ZNF407: variants seen among roughly 807,000 people sequenced by gnomAD.
ZNF407 encodes the protein zinc finger protein 407.
ZNF407 carries 17 observed loss-of-function variants against 131.2 expected under a neutral mutation model. The ratio of observed to expected loss-of-function variants is 0.13; its 90% CI spans 0.09 to 0.19. The LOEUF (loss-of-function observed/expected upper bound fraction) is 0.19, where lower values mean the gene tolerates loss of function less well. Ranked by LOEUF, ZNF407 falls within the 10% of genes least tolerant of loss-of-function variation. ZNF407 has a pLI of 1.00. For synonymous variants in ZNF407, 1,156 were observed against 1,062.0 expected, an observed-to-expected ratio of 1.09 and a Z score of -1.72; for missense variants, 2,681 against 2,830.6, an observed-to-expected ratio of 0.95 and a Z score of 1.20.
At chr18:75,034,242 T>G (rs532993691) in intron 8 of ZNF407, among the ~76,000 whole-genome samples, 37 of 152,190 alleles carry the variant, frequency 2.4e-4, no homozygotes, top group African/African-American at 8.4e-4. Context: ...ATATTTAATG[T>G]CTTTCTTGGT....
chr18:74,968,027 CTTAAATT>C (rs1972428360), intron 8 of ZNF407, among the ~76,000 whole-genome samples: 1 of 152,098 alleles, frequency 6.6e-6, no homozygotes, highest in South Asian at 2.1e-4. Context: ...CCTGACTACA[CTTAAATT>C]ATCTAGGGGT....
intron 5 of ZNF407, 111 bp from the exon 6 acceptor site, chr18:74,880,925 A>G: frequency 1.1e-6 from 1 of 915,370 alleles, no homozygotes; most frequent in Non-Finnish European, 1.7e-6. Flanking sequence ...CATTTGACAT[A>G]TTTACATGGA....
In ZNF407 at chr18:74,630,963, A is replaced by C; in HGVS notation, c.-53-4A>C. 2 of 1,515,402 alleles carry C rather than the reference A, an allele frequency of 1.3e-6. No homozygotes were observed. The highest frequency in any genetic ancestry group is 1.8e-6 in the Non-Finnish European group (2 of 1,139,258). 93.9% of individuals were successfully genotyped at this position (1,515,402 alleles called of 1,614,324 possible). A position where few individuals can be genotyped will look rare whatever the true frequency, so the allele number is the denominator to read the frequency against. ...ATTTAATACCATGTTTGTTTACTTC[A>C]CAGGTTATGAGTGCCAGTGAGCCGC... On this transcript the variant is annotated splice_region_variant and splice_polypyrimidine_tract_variant and intron_variant, in intron 1 of 8. Transcript: ENST00000299687.
In ZNF407 at chr18:74,635,755, G is replaced by A; in HGVS notation, c.4687+49G>A. On this transcript the variant is annotated intron_variant, in intron 2 of 8. Transcript: ENST00000299687. The surrounding 1 kb of genome is among the most constrained non-coding windows in gnomAD (Gnocchi z 4.7). ...AGTCAGTGAGGACATGGGGCCATTTGTTCCCATCCAGATATGCAGCCCTAC... is the reference window on the plus strand; with the variant it reads ...AGTCAGTGAGGACATGGGGCCATTTATTCCCATCCAGATATGCAGCCCTAC... 6.6e-7 allele frequency: 1 copy of A among 1,523,904 alleles called. No individual in the cohort carries two copies. Among genetic ancestry groups the A allele is most frequent in the Non-Finnish European group, 8.8e-7 (1 of 1,138,342 alleles). 94.4% of individuals were successfully genotyped at this position (1,523,904 alleles called of 1,614,324 possible). A position where few individuals can be genotyped will look rare whatever the true frequency, so the allele number is the denominator to read the frequency against.
At chr18:74,753,514 A>T (rs1245466263) in intron 3 of ZNF407, among the ~76,000 whole-genome samples, 1 of 152,164 alleles carries the variant, frequency 6.6e-6, no homozygotes, top group South Asian at 2.1e-4. Context: ...AGCTCTTATT[A>T]TTTGGGAGAC....
chr18:74,885,424 C>G (rs1238214348), intron 6 of ZNF407, among the ~76,000 whole-genome samples: 1 of 152,112 alleles, frequency 6.6e-6, no homozygotes, highest in Non-Finnish European at 1.5e-5. Context: ...ATTTCCATTT[C>G]GTTCACATCG....
At chr18:74,935,956 T>A (rs893486361) in intron 8 of ZNF407, among the ~76,000 whole-genome samples, 14 of 152,200 alleles carry the variant, frequency 9.2e-5, no homozygotes, top group African/African-American at 2.7e-4. Flanking sequence ...TGTAATTTTT[T>A]AAAAAAGTTT....
intron 1 of ZNF407, among the ~76,000 whole-genome samples, chr18:74,613,524 GA>G (rs1458942822): frequency 6.6e-6 from 1 of 152,228 alleles, no homozygotes; most frequent in Non-Finnish European, 1.5e-5. Flanking sequence ...CTTTCTAGTA[GA>G]ATCGGCACCT....
At chr18:74,765,410 C>T (rs1188031566) in intron 3 of ZNF407, among the ~76,000 whole-genome samples, 2 of 151,810 alleles carry the variant, frequency 1.3e-5, no homozygotes, top group Non-Finnish European at 2.9e-5. Context: ...TATTCTTGAC[C>T]CTTGTTCTGA....
intron 8 of ZNF407, chr18:75,062,944 T>G: frequency 1.9e-6 from 1 of 519,762 alleles, no homozygotes; most frequent in South Asian, 3.2e-5. Flanking sequence ...ATTAACTGTG[T>G]GTGCCCTTGA....
intron 4 of ZNF407, among the ~76,000 whole-genome samples, chr18:74,826,575 G>C (rs1309496114): frequency 6.6e-6 from 1 of 152,170 alleles, no homozygotes; most frequent in Admixed American, 6.5e-5. Context: ...CAGGTAGGGA[G>C]AGGGATTCAG....
intron 3 of ZNF407, among the ~76,000 whole-genome samples, chr18:74,700,752 G>GT (rs1374902890): frequency 2.0e-5 from 3 of 152,162 alleles, no homozygotes; most frequent in African/African-American, 7.2e-5. Flanking sequence ...AAATGTAAAT[G>GT]TTTTTTGTCT....
intron 5 of ZNF407, among the ~76,000 whole-genome samples, chr18:74,879,099 G>A (rs1971201852): frequency 6.6e-6 from 1 of 152,076 alleles, no homozygotes; most frequent in Admixed American, 6.5e-5. Flanking sequence ...TTAAAATAGG[G>A]AAAGGAATAA....
chr18:74,986,627 C>T (rs1432630060), intron 8 of ZNF407, among the ~76,000 whole-genome samples: 1 of 152,056 alleles, frequency 6.6e-6, no homozygotes, highest in Non-Finnish European at 1.5e-5. Flanking sequence ...AGTGTGGTTT[C>T]GAAAACATCT....
At chr18:74,970,667 G>A (rs184658153) in intron 8 of ZNF407, among the ~76,000 whole-genome samples, 128 of 152,314 alleles carry the variant, frequency 8.4e-4, no homozygotes, top group Non-Finnish European at 1.2e-3. Flanking sequence ...ACTTTGCAGG[G>A]TATAGCCCCC....
intron 4 of ZNF407, among the ~76,000 whole-genome samples, chr18:74,837,959 G>A (rs1307864091): frequency 6.6e-6 from 1 of 152,126 alleles, no homozygotes; most frequent in Admixed American, 6.5e-5. Flanking sequence ...TGGAGCATTT[G>A]TGTAACTTTA....
chr18:74,982,261 A>C (rs1972601575), intron 8 of ZNF407, among the ~76,000 whole-genome samples: 1 of 152,210 alleles, frequency 6.6e-6, no homozygotes, highest in Non-Finnish European at 1.5e-5. Context: ...TTTTCTACAC[A>C]GCGTCCTATT....
rs118088241 is a variant in ZNF407, at chr18:74,633,569, G to A, written c.2550G>A (p.Arg850=). The A allele has an allele frequency of 1.7e-4, 273 of 1,614,012 alleles. 1 individual carries two copies. In the East Asian group the frequency reaches 5.5e-3, roughly 33 times the overall value. The part of the protein sequence containing the change: ...KRGRPKGNIS[R]TCSHCGLLAS... Reference sequence around the variant, plus strand: ...GGAGACCTAAAGGTAACATCTCACGGACGTGTTCACACTGTGGCCTTTTGG... The same window carrying A: ...GGAGACCTAAAGGTAACATCTCACGAACGTGTTCACACTGTGGCCTTTTGG... The change falls in exon 2 of 9, where the codon CGG becomes CGA. Residue 850 remains arginine, a synonymous_variant. Transcript: ENST00000299687.
intron 3 of ZNF407, among the ~76,000 whole-genome samples, chr18:74,700,807 C>T (rs1967474648): frequency 6.6e-6 from 1 of 152,082 alleles, no homozygotes. Context: ...TACTGGTTTG[C>T]TTCTGGAACC....
Sources: allele counts gnomAD v4.1 joint callset (sites outside exome capture counted in the v4.1 genomes callset), GRCh38; gene constraint gnomAD v4.1.1; non-coding constraint Gnocchi (gnomAD v3.1); transcripts MANE v1.5; gene names NCBI Gene and HGNC (gene_info 2026-07-23, HGNC 2026-07-21).